The following CRTC1 variants were observed in gnomAD, a reference collection of about 807,000 sequenced individuals.
CRTC1 encodes the protein CREB-regulated transcription coactivator 1.
Under a neutral mutation model 66.1 loss-of-function variants are expected in CRTC1, and 18 were observed. The observed-to-expected ratio is 0.27, with a 90% confidence interval of 0.19 to 0.40. CRTC1 has a LOEUF of 0.40. Ranked by LOEUF, CRTC1 falls within the 10% of genes least tolerant of loss-of-function variation. The pLI is 1.00. For synonymous variants in CRTC1, 416 were observed against 398.8 expected, an observed-to-expected ratio of 1.04 and a Z score of -0.51; for missense variants, 669 against 887.9, an observed-to-expected ratio of 0.75 and a Z score of 3.13.
In CRTC1 at chr19:18,768,935, G is replaced by C. The variant is rs772435081; in HGVS notation, c.1320+142G>C. The C allele has an allele frequency of 9.3e-7, 1 of 1,070,344 alleles. No homozygotes were observed. Among genetic ancestry groups the C allele is most frequent in the Non-Finnish European group, 1.3e-6 (1 of 763,878 alleles). 66.3% of individuals were successfully genotyped at this position (1,070,344 alleles called of 1,614,324 possible). On this transcript the variant is annotated intron_variant, in intron 10 of 13. Transcript: ENST00000321949. This position sits in a 1 kb window ranked among gnomAD's most constrained non-coding sequence, Gnocchi z 5.6. ...ACGCTGCCTGGGCCCACCTCTCCAC[G>C]GGGCTACCCCTTGGAATCAAACTGA...
At chr19:18,710,726 C>T (rs2053371684) in intron 1 of CRTC1, among the ~76,000 whole-genome samples, 1 of 152,122 alleles carries the variant, frequency 6.6e-6, no homozygotes, top group African/African-American at 2.4e-5. Context: ...ATTCTCCTGC[C>T]TCAGCCTCCC....
At position 18,745,639 on chromosome 19, in the gene CRTC1, C is replaced by G. The variant is rs911677222; in HGVS notation, c.244-184C>G. Among the ~76,000 whole-genome samples the G allele has an allele frequency of 2.0e-5, 3 of 152,210 alleles. No individual in the cohort carries two copies. The South Asian group carries it at 6.2e-4, about 31-fold the overall frequency. ...CAGCTCACACCCCCTCCCTACCCCCCAGTGCTTGGAGAGCCAGGGAGCTGG... is the reference window on the plus strand; with the variant it reads ...CAGCTCACACCCCCTCCCTACCCCCGAGTGCTTGGAGAGCCAGGGAGCTGG... On this transcript the variant is annotated intron_variant, in intron 2 of 13. Coordinates refer to ENST00000321949, the MANE Select transcript of CRTC1 (RefSeq NM_015321.3).
chr19:18,742,573 C>A (rs572011717), intron 1 of CRTC1, among the ~76,000 whole-genome samples: 36 of 152,380 alleles, frequency 2.4e-4, no homozygotes, highest in Non-Finnish European at 4.9e-4. Flanking sequence ...GAGGGGCCTC[C>A]TTGGCAGGCT....
intron 13 of CRTC1, among the ~76,000 whole-genome samples, chr19:18,776,764 C>A (rs990210903): frequency 5.3e-5 from 8 of 152,238 alleles, no homozygotes; most frequent in Admixed American, 1.3e-4. Context: ...GGATTCCCTC[C>A]AGCCCTAGCA....
At chr19:18,693,214 C>T (rs2052892896) in intron 1 of CRTC1, among the ~76,000 whole-genome samples, 1 of 151,596 alleles carries the variant, frequency 6.6e-6, no homozygotes, top group African/African-American at 2.4e-5. Context: ...CATAGTGAAA[C>T]TCTGTCTTTA....
Position 18,771,405 on chromosome 19 carries a change from G to C in CRTC1, c.1321-37G>C, listed in dbSNP as rs1442454954. On this transcript the variant is annotated intron_variant, in intron 10 of 13. Transcript: ENST00000321949. The surrounding 1 kb of genome is among the most constrained non-coding windows in gnomAD (Gnocchi z 4.6). ...AGGGACTGGAGCCCGGGCTTGGGCAGCTGGGCTGCGGCGTGCTGATCTGTC... is the reference window on the plus strand; with the variant it reads ...AGGGACTGGAGCCCGGGCTTGGGCACCTGGGCTGCGGCGTGCTGATCTGTC... 1.3e-6 allele frequency: 2 copies of C among 1,561,886 alleles called. No homozygotes were observed. Among genetic ancestry groups the C allele is most frequent in the African/African-American group, 1.4e-5 (1 of 73,376 alleles).
At chr19:18,715,580 G>A (rs548633278) in intron 1 of CRTC1, among the ~76,000 whole-genome samples, 7 of 152,328 alleles carry the variant, frequency 4.6e-5, no homozygotes, top group Non-Finnish European at 7.3e-5. Context: ...AGTAAGTACT[G>A]TGGTGCAGGC....
At chr19:18,738,841 C>T (rs1453515669) in intron 1 of CRTC1, among the ~76,000 whole-genome samples, 1 of 152,196 alleles carries the variant, frequency 6.6e-6, no homozygotes, top group Non-Finnish European at 1.5e-5. Context: ...GAGGCTGGTG[C>T]GATTGTGACT....
At chr19:18,766,695 C>T (rs534706094) in intron 9 of CRTC1, among the ~76,000 whole-genome samples, 1 of 152,334 alleles carries the variant, frequency 6.6e-6, no homozygotes, top group Non-Finnish European at 1.5e-5. Context: ...AATCTGCCCA[C>T]CTCGGCCTCC....
chr19:18,724,864 C>T (rs760024692), intron 1 of CRTC1, among the ~76,000 whole-genome samples: 7 of 139,246 alleles, frequency 5.0e-5, no homozygotes, highest in Non-Finnish European at 7.9e-5. Context: ...TTGGGGACAC[C>T]GTGAATTCAC....
chr19:18,719,963 T>C (rs1209176117), intron 1 of CRTC1, among the ~76,000 whole-genome samples: 2 of 152,230 alleles, frequency 1.3e-5, no homozygotes, highest in Non-Finnish European at 2.9e-5. Context: ...GGGGCCGCTC[T>C]TGGGGAGGGA....
intron 1 of CRTC1, among the ~76,000 whole-genome samples, chr19:18,689,372 A>G (rs1272234322): frequency 6.8e-6 from 1 of 147,294 alleles, no homozygotes; most frequent in Admixed American, 6.8e-5. Context: ...TACTTAGCAT[A>G]GTGACTTCAA....
chr19:18,748,684 A>G (rs1482430432), intron 4 of CRTC1, among the ~76,000 whole-genome samples: 16 of 149,078 alleles, frequency 1.1e-4, no homozygotes, highest in Non-Finnish European at 2.4e-4. Flanking sequence ...TGGGGGGCAG[A>G]GTGAGACCCT....
intron 1 of CRTC1, among the ~76,000 whole-genome samples, chr19:18,705,462 C>T (rs760040421): frequency 5.9e-5 from 9 of 152,200 alleles, no homozygotes; most frequent in Admixed American, 3.3e-4. Flanking sequence ...GAATTACAGG[C>T]GCATGCCACC....
intron 1 of CRTC1, among the ~76,000 whole-genome samples, chr19:18,704,878 C>T (rs1254112691): frequency 1.3e-5 from 2 of 151,814 alleles, no homozygotes; most frequent in Admixed American, 1.3e-4. Flanking sequence ...ACTCTGTCCC[C>T]ATTAAACACT....
Position 18,713,140 on chromosome 19 carries a change from C to G in CRTC1, c.126+29312C>G, listed in dbSNP as rs563643075. 2.0e-5 allele frequency among the ~76,000 whole-genome samples: 3 copies of G among 152,292 alleles called. No homozygotes were observed. The East Asian group carries it at 5.8e-4, about 29-fold the overall frequency. ...GTGTCTGGCCTCTCTCACTCAGCAT[C>G]GTGTCTTCAGGCTTCTTCCACGTCG... is the stretch of plus-strand genomic sequence containing the variant. On this transcript the variant is annotated intron_variant, in intron 1 of 13. Coordinates refer to ENST00000321949, the MANE Select transcript of CRTC1 (RefSeq NM_015321.3).
At chr19:18,737,014 G>A (rs1280414481) in intron 1 of CRTC1, among the ~76,000 whole-genome samples, 1 of 152,122 alleles carries the variant, frequency 6.6e-6, no homozygotes, top group Non-Finnish European at 1.5e-5. Context: ...TGGAGAAGTA[G>A]CCACAGGCGC....
In CRTC1 at chr19:18,729,535, C is replaced by T. The variant is rs553911884; in HGVS notation, c.127-13375C>T. 2.4e-3 allele frequency among the ~76,000 whole-genome samples: 367 copies of T among 151,950 alleles called. 4 individuals are homozygous for T. Among genetic ancestry groups the T allele is most frequent in the African/African-American group, 8.1e-3 (336 of 41,448 alleles). On this transcript the variant is annotated intron_variant, in intron 1 of 13. Transcript: ENST00000321949. ...CGAGTCAGGAGGATCATTGGAGCTC[C>T]GGAGTTTGAGACCAGCCTGGGCAAC...
chr19:18,683,848 C>G lies in CRTC1; in HGVS notation c.126+20C>G. On this transcript the variant is annotated intron_variant, in intron 1 of 13. Transcript: ENST00000321949. ...GCGCGGGTAAGGGGGCTGCCCGCGCCGACCCTTCAGGGCCGGCGGAGGGAG... is the reference window on the plus strand; with the variant it reads ...GCGCGGGTAAGGGGGCTGCCCGCGCGGACCCTTCAGGGCCGGCGGAGGGAG... 2 of 1,215,146 alleles carry G rather than the reference C, an allele frequency of 1.6e-6. No homozygotes were observed. The highest frequency in any genetic ancestry group is 2.1e-6 in the Non-Finnish European group (2 of 945,344). The allele number at this position is 1,215,146 out of a possible 1,614,324, so 75.3% of individuals were successfully genotyped here. A position where few individuals can be genotyped will look rare whatever the true frequency, so the allele number is the denominator to read the frequency against.
Sources: gnomAD v4.1 joint callset for allele counts (sites outside exome capture counted in the v4.1 genomes callset) on GRCh38, gnomAD v4.1.1 for gene constraint, Gnocchi (gnomAD v3.1) non-coding constraint, MANE v1.5 for transcripts, NCBI Gene and HGNC (gene_info 2026-07-23, HGNC 2026-07-21) for gene names.